The following WDPCP variants were observed in gnomAD, a reference collection of about 807,000 sequenced individuals.
WDPCP encodes the protein WD repeat containing planar cell polarity effector.
In WDPCP, 71 loss-of-function variants were observed where a neutral mutation model predicts 93.1. The observed-to-expected ratio is 0.76, with a 90% CI of 0.63 to 0.93. The LOEUF (loss-of-function observed/expected upper bound fraction) is 0.93. WDPCP is among the 40% of genes least tolerant of loss of function. The pLI is 0.00. For missense variants in WDPCP, 844 were observed against 887.4 expected, an observed-to-expected ratio of 0.95 and a Z score of 0.62; for synonymous variants, 315 against 315.0, an observed-to-expected ratio of 1.00 and a Z score of 0.00.
intron 1 of WDPCP, among the ~76,000 whole-genome samples, chr2:63,531,218 C>T (rs993928551): frequency 1.3e-5 from 2 of 152,234 alleles, no homozygotes; most frequent in Non-Finnish European, 2.9e-5. Flanking sequence ...ACACACCACA[C>T]CTCAACGAGG....
At chr2:63,329,043 G>A (rs1279281221) in intron 12 of WDPCP, among the ~76,000 whole-genome samples, 2 of 152,158 alleles carry the variant, frequency 1.3e-5, no homozygotes, top group Non-Finnish European at 2.9e-5. Context: ...TTACTTTCAT[G>A]ATAAGAACAC....
At chr2:63,636,562 T>A (rs1057291455) in intron 3 of WDPCP, among the ~76,000 whole-genome samples, 2 of 152,232 alleles carry the variant, frequency 1.3e-5, no homozygotes, top group Middle Eastern at 3.4e-3. Flanking sequence ...CAGCCTCCCA[T>A]GTATCTGGGA....
intron 10 of WDPCP, among the ~76,000 whole-genome samples, chr2:63,399,587 G>C (rs980274852): frequency 8.2e-6 from 1 of 122,478 alleles, no homozygotes; most frequent in Non-Finnish European, 1.7e-5. Flanking sequence ...TTGAGAGAGA[G>C]AGAGAGAGGA....
intron 3 of WDPCP, among the ~76,000 whole-genome samples, chr2:63,645,842 G>A (rs146393686): frequency 0.01 from 1,528 of 151,968 alleles, 14 homozygotes; most frequent in Non-Finnish European, 0.016. Context: ...TTTGGTTTCC[G>A]TTAGCATGGA....
intron 3 of WDPCP, among the ~76,000 whole-genome samples, chr2:63,624,223 G>A (rs1324031461): frequency 2.6e-5 from 4 of 152,128 alleles, no homozygotes; most frequent in Non-Finnish European, 5.9e-5. Flanking sequence ...ATGCCCACAG[G>A]AGAAAGTGGG....
chr2:63,644,568 G>A (rs1323261613), intron 3 of WDPCP, among the ~76,000 whole-genome samples: 1 of 152,144 alleles, frequency 6.6e-6, no homozygotes, highest in African/African-American at 2.4e-5. Flanking sequence ...TTTTAGGATA[G>A]TTTTAGGAGG....
At chr2:63,493,656 A>AC (rs1321173490) in intron 1 of WDPCP, among the ~76,000 whole-genome samples, 2 of 151,498 alleles carry the variant, frequency 1.3e-5, no homozygotes, top group African/African-American at 4.9e-5. Flanking sequence ...ATCAAGTACT[A>AC]CCTCATCGAT....
intron 6 of WDPCP, among the ~76,000 whole-genome samples, chr2:63,453,186 T>C (rs1463264740): frequency 1.3e-5 from 2 of 152,124 alleles, no homozygotes; most frequent in Non-Finnish European, 2.9e-5. Context: ...ATTTTTGCAA[T>C]CTACTCATAT....
At chr2:63,385,927 A>C (rs1201668040) in intron 10 of WDPCP, among the ~76,000 whole-genome samples, 1 of 152,112 alleles carries the variant, frequency 6.6e-6, no homozygotes, top group Non-Finnish European at 1.5e-5. Flanking sequence ...CATTTAATTC[A>C]CTAAAAGACA....
chr2:63,326,858 T>TA (rs1360769021), intron 12 of WDPCP, among the ~76,000 whole-genome samples: 2 of 152,124 alleles, frequency 1.3e-5, no homozygotes, highest in Non-Finnish European at 2.9e-5. Context: ...CCTATTCCTT[T>TA]AAAAGCCAGG....
chr2:63,131,833 C>CT lies in WDPCP; in HGVS notation c.2191-9778dup, dbSNP rs55670342. On this transcript the variant is annotated intron_variant, in intron 17 of 17. Transcript: ENST00000272321. ...GGACAGTTTTGCTAGATACAGTATT[C>CT]TTTTTTTTTTTTTTTTTTTTGAGAT... is the stretch of plus-strand genomic sequence containing the variant. Among the ~76,000 whole-genome samples, 546 of 107,722 alleles carry CT rather than the reference C, an allele frequency of 5.1e-3. 1 individual carries two copies. The highest frequency in any genetic ancestry group is 0.011 in the East Asian group (38 of 3,542). 70.7% of individuals were successfully genotyped at this position (107,722 alleles called of 152,430 possible).
chr2:63,276,634 G>A (rs1463309051), intron 13 of WDPCP, among the ~76,000 whole-genome samples: 3 of 152,184 alleles, frequency 2.0e-5, no homozygotes, highest in Non-Finnish European at 4.4e-5. Flanking sequence ...GAACTTCAGA[G>A]CTTGAGGACA....
rs1368003901 is a variant in WDPCP, at chr2:63,437,405, A to G, written c.633+16T>C. 5 of 1,577,866 alleles carry G rather than the reference A, an allele frequency of 3.2e-6. No individual in the cohort carries two copies. Among genetic ancestry groups the G allele is most frequent in the Non-Finnish European group, 4.3e-6 (5 of 1,155,660 alleles). On this transcript the variant is annotated intron_variant, in intron 8 of 17. Transcript: ENST00000272321. ...TTAATAATTAATAATATGACTATATAAATCAAAATCTCTACCTTATAATCC... is the reference window on the plus strand; with the variant it reads ...TTAATAATTAATAATATGACTATATGAATCAAAATCTCTACCTTATAATCC...
chr2:63,216,672 C>T (rs1677371123), intron 14 of WDPCP, among the ~76,000 whole-genome samples: 1 of 150,944 alleles, frequency 6.6e-6, no homozygotes, highest in Non-Finnish European at 1.5e-5. Flanking sequence ...CAAATCTGCA[C>T]ATTGGGTACA....
At chr2:63,762,362 C>T (rs540622057) in intron 2 of WDPCP, among the ~76,000 whole-genome samples, 73 of 152,184 alleles carry the variant, frequency 4.8e-4, no homozygotes, top group Admixed American at 5.2e-4. Context: ...AAATCTAACA[C>T]GAAATAACAT....
At chr2:63,579,352 G>A (rs1708337744) in intron 1 of WDPCP, among the ~76,000 whole-genome samples, 6 of 152,222 alleles carry the variant, frequency 3.9e-5, no homozygotes, top group Admixed American at 3.3e-4. Context: ...GTTCATGCCT[G>A]TAATCACAGC....
chr2:63,779,276 C>T (rs1670353270), intron 2 of WDPCP, among the ~76,000 whole-genome samples: 1 of 152,116 alleles, frequency 6.6e-6, no homozygotes, highest in Non-Finnish European at 1.5e-5. Flanking sequence ...GAACTGTTTT[C>T]CAAAACACGT....
intron 2 of WDPCP, among the ~76,000 whole-genome samples, chr2:63,745,298 C>T (rs1669778475): frequency 6.6e-6 from 1 of 152,086 alleles, no homozygotes; most frequent in African/African-American, 2.4e-5. Context: ...AAGCAGAAAC[C>T]TGAGTCAAAG....
intron 2 of WDPCP, among the ~76,000 whole-genome samples, chr2:63,743,230 TA>T (rs1258752113): frequency 2.0e-5 from 3 of 152,098 alleles, no homozygotes; most frequent in Non-Finnish European, 4.4e-5. Flanking sequence ...AGCTCTGTGA[TA>T]AGGTGGTATG....
Sources: allele counts gnomAD v4.1 joint callset (sites outside exome capture counted in the v4.1 genomes callset), GRCh38; gene constraint gnomAD v4.1.1; transcripts MANE v1.5; gene names NCBI Gene and HGNC (gene_info 2026-07-23, HGNC 2026-07-21).